Variants in DLGAP2 observed in about 807,000 individuals in gnomAD.
DLGAP2 encodes disks large-associated protein 2.
DLGAP2 carries 26 observed loss-of-function variants against 100.3 expected under a neutral mutation model. The observed-to-expected ratio is 0.26, with a 90% CI of 0.19 to 0.36. The LOEUF (loss-of-function observed/expected upper bound fraction) is 0.36, where lower values mean the gene tolerates loss of function less well. DLGAP2 is among the 10% of genes least tolerant of loss of function. The pLI, the probability that DLGAP2 is intolerant of heterozygous loss-of-function variation, is 1.00. For synonymous variants in DLGAP2, 886 were observed against 630.1 expected, an observed-to-expected ratio of 1.41 and a Z score of -6.08; for missense variants, 1,858 against 1,453.2, an observed-to-expected ratio of 1.28 and a Z score of -4.53.
At chr8:872,872 G>C (rs1797624701) in intron 1 of DLGAP2, among the ~76,000 whole-genome samples, 1 of 152,160 alleles carries the variant, frequency 6.6e-6, no homozygotes, top group African/African-American at 2.4e-5. Flanking sequence ...TATCCAGGGT[G>C]GGGCAGGTGC....
intron 3 of DLGAP2, among the ~76,000 whole-genome samples, chr8:1,356,624 G>A (rs543264324): frequency 6.6e-6 from 1 of 152,258 alleles, no homozygotes; most frequent in East Asian, 1.9e-4. Context: ...AAAGTACGAG[G>A]GGAAAACAGA....
intron 4 of DLGAP2, among the ~76,000 whole-genome samples, chr8:1,542,603 A>G (rs540261238): frequency 6.6e-6 from 1 of 152,144 alleles, no homozygotes; most frequent in Non-Finnish European, 1.5e-5. Context: ...AAACATTTCC[A>G]TTGTGCGGTA....
intron 3 of DLGAP2, among the ~76,000 whole-genome samples, chr8:1,453,413 A>T (rs577690081): frequency 4.4e-4 from 67 of 152,320 alleles, no homozygotes; most frequent in African/African-American, 1.6e-3. Context: ...TTACCTTCTT[A>T]AGTAGGTTAT....
chr8:1,341,102 G>A (rs1316993147), intron 3 of DLGAP2, among the ~76,000 whole-genome samples: 1 of 152,076 alleles, frequency 6.6e-6, no homozygotes, highest in African/African-American at 2.4e-5. Context: ...GTGGGAGGAG[G>A]GAGAGGATCA....
intron 2 of DLGAP2, among the ~76,000 whole-genome samples, chr8:1,159,284 G>A (rs1031281395): frequency 1.3e-5 from 2 of 152,210 alleles, no homozygotes; most frequent in African/African-American, 4.8e-5. Flanking sequence ...AGAGTCTCCT[G>A]TTGTTTAATC....
At chr8:820,567 G>T (rs1796565216) in intron 1 of DLGAP2, among the ~76,000 whole-genome samples, 1 of 152,160 alleles carries the variant, frequency 6.6e-6, no homozygotes, top group African/African-American at 2.4e-5. Flanking sequence ...ACATTAAAAG[G>T]TCCCCAGACT....
intron 2 of DLGAP2, among the ~76,000 whole-genome samples, chr8:1,176,087 AAAC>A (rs1157923838): frequency 6.6e-6 from 1 of 152,202 alleles, no homozygotes; most frequent in Non-Finnish European, 1.5e-5. Flanking sequence ...GGTAATTTAT[AAAC>A]AAAAGAGGTT....
At chr8:759,107 G>C (rs112406669) in intron 1 of DLGAP2, among the ~76,000 whole-genome samples, 1,694 of 26,434 alleles carry the variant, frequency 0.064, 71 homozygotes, top group African/African-American at 0.14. Flanking sequence ...CAATACCCCC[G>C]ACAGCCTTCC....
In DLGAP2 at chr8:1,676,437, G is replaced by A. The variant is rs79682431; in HGVS notation, c.2203-96G>A. 3,871 of 1,304,064 alleles carry A rather than the reference G, an allele frequency of 3.0e-3. 96 individuals are homozygous for A. The African/African-American group carries it at 0.049, about 17-fold the overall frequency. The allele number at this position is 1,304,064 out of a possible 1,614,324, so 80.8% of individuals were successfully genotyped here. On this transcript the variant is annotated intron_variant, in intron 10 of 14. Transcript: ENST00000637795. ...ACCGCTGCATTAATTAAACAAATGC[G>A]TAATTAATTACAGCAAATCCACAAC...
intron 12 of DLGAP2, 25 bp downstream of exon 12, chr8:1,678,654 C>T: frequency 6.8e-7 from 1 of 1,472,342 alleles, no homozygotes; most frequent in Non-Finnish European, 9.0e-7. Flanking sequence ...TTCCCTAGGG[C>T]CTCTTAAATA....
Position 1,668,365 on chromosome 8 carries a change from C to A in DLGAP2, c.1847C>A (p.Pro616Gln). The change falls in exon 9 of 15, where the codon CCG becomes CAG. Residue 616 changes from proline (P) to glutamine (Q), a missense_variant. By Grantham distance (76) the Pro-to-Gln change is moderately conservative. Coordinates refer to ENST00000637795, the MANE Select transcript of DLGAP2 (RefSeq NM_001346810.2). ...ACAAATTACAAGAAAACGCCCCCACCGGTGCCCCCTCGGACCACCTCCAAG... is the reference window on the plus strand; with the variant it reads ...ACAAATTACAAGAAAACGCCCCCACAGGTGCCCCCTCGGACCACCTCCAAG... Reference protein sequence around the residue: ...SYTNYKKTPPPVPPRTTSKPL... With the variant: ...SYTNYKKTPPQVPPRTTSKPL... 6.4e-7 allele frequency: 1 copy of A among 1,554,664 alleles called. No individual in the cohort carries two copies. The highest frequency in any genetic ancestry group is 1.7e-4 in the Middle Eastern group (1 of 5,794).
intron 3 of DLGAP2, among the ~76,000 whole-genome samples, chr8:1,265,060 A>C (rs139501748): frequency 5.3e-5 from 8 of 152,322 alleles, no homozygotes; most frequent in African/African-American, 1.7e-4. Context: ...CTTTTTAAAA[A>C]TAAATTACCC....
chr8:1,380,937 C>CAAAAAAAAA (rs34675828), intron 3 of DLGAP2: 21 of 77,068 alleles, frequency 2.7e-4, no homozygotes, highest in East Asian at 7.9e-4. Flanking sequence ...GAACATGATT[C>CAAAAAAAAA]AAAAAAAAAA....
intron 2 of DLGAP2, among the ~76,000 whole-genome samples, chr8:1,024,890 G>A (rs1584987661): frequency 6.6e-6 from 1 of 152,316 alleles, no homozygotes; most frequent in East Asian, 1.9e-4. Context: ...CTTGTAATAA[G>A]GGGAAGCTGG....
chr8:934,606 G>A (rs1799027339), intron 2 of DLGAP2, among the ~76,000 whole-genome samples: 1 of 152,184 alleles, frequency 6.6e-6, no homozygotes, highest in Middle Eastern at 3.2e-3. Context: ...GGCGTGTGAC[G>A]TGGCTATTCC....
intron 2 of DLGAP2, among the ~76,000 whole-genome samples, chr8:1,234,649 C>A (rs943778100): frequency 6.6e-6 from 1 of 152,174 alleles, no homozygotes; most frequent in Non-Finnish European, 1.5e-5. Context: ...AATCCCGTCT[C>A]TGGAACAGAT....
In DLGAP2 at chr8:1,455,287, C is replaced by T. The variant is rs986492779; in HGVS notation, c.107-46079C>T. The stretch of plus-strand genomic sequence containing the variant: ...CCCATCTCAGGCACTGATTCTCATG[C>T]GCTGGGGCAGGGCCCCTCTGGAGCT... On this transcript the variant is annotated intron_variant, in intron 3 of 14. Coordinates refer to ENST00000637795, the MANE Select transcript of DLGAP2 (RefSeq NM_001346810.2). Among the ~76,000 whole-genome samples, 9 of 152,230 alleles carry T rather than the reference C, an allele frequency of 5.9e-5. No homozygotes were observed. The East Asian group carries it at 1.2e-3, about 20-fold the overall frequency.
At chr8:766,608 C>T (rs1019615325) in intron 1 of DLGAP2, among the ~76,000 whole-genome samples, 22 of 152,280 alleles carry the variant, frequency 1.4e-4, no homozygotes, top group African/African-American at 5.3e-4. Flanking sequence ...TCTCTCTGGG[C>T]AAGCACGCAC....
At chr8:947,132 ACTGT>A (rs1459480965) in intron 2 of DLGAP2, among the ~76,000 whole-genome samples, 1 of 152,094 alleles carries the variant, frequency 6.6e-6, no homozygotes, top group Non-Finnish European at 1.5e-5. Flanking sequence ...TGCCAGGAAG[ACTGT>A]CTTTCAATTG....
Sources: gnomAD v4.1 joint callset for allele counts (sites outside exome capture counted in the v4.1 genomes callset) on GRCh38, gnomAD v4.1.1 for gene constraint, MANE v1.5 for transcripts, NCBI Gene and HGNC (gene_info 2026-07-23, HGNC 2026-07-21) for gene names.